Variants in ARRDC2 observed in about 807,000 individuals in gnomAD.
The protein encoded by ARRDC2 is arrestin domain-containing protein 2.
Under a neutral mutation model 38.9 loss-of-function variants are expected in ARRDC2, and 39 were observed. The ratio of observed to expected loss-of-function variants is 1.00; its 90% CI spans 0.78 to 1.31. The LOEUF is 1.31. Ranked by LOEUF, ARRDC2 falls within the 50% of genes most tolerant of loss-of-function variation. ARRDC2 has a pLI of 0.00. For missense variants in ARRDC2, 553 were observed against 588.4 expected, an observed-to-expected ratio of 0.94 and a Z score of 0.62; for synonymous variants, 300 against 261.9, an observed-to-expected ratio of 1.15 and a Z score of -1.41.
At chr19:18,003,063 ACACTC>A in intron 1 of ARRDC2, among the ~76,000 whole-genome samples, 1 of 135,540 alleles carries the variant, frequency 7.4e-6, no homozygotes, top group Non-Finnish European at 1.6e-5. Flanking sequence ...TGGCACCACT[ACACTC>A]CAGCCTGGGC....
rs758372972 is a variant in ARRDC2, at chr19:18,008,985, C to T, written c.356C>T (p.Ser119Phe). 19 of 1,613,598 alleles carry T rather than the reference C, an allele frequency of 1.2e-5. No individual in the cohort carries two copies. The highest frequency in any genetic ancestry group is 1.4e-5 in the Non-Finnish European group (16 of 1,179,972). The stretch of plus-strand genomic sequence containing the variant: ...CTCCACCCTAGGACCCTGGTGACAT[C>T]CTTCGAGGGCAAACACGGTAGTGTC... ...SFQLPPTLVT[S>F]FEGKHGSVRY... Residue 119 changes from serine to phenylalanine, a missense_variant, in exon 3 of 8, where the codon TCC (serine) becomes TTC (phenylalanine). Around this residue, in one of 3 missense-constraint regions of ARRDC2, gnomAD observed 447 missense variants for 456.6 expected, o/e 0.98. Coordinates refer to ENST00000222250, the MANE Select transcript of ARRDC2 (RefSeq NM_015683.2).
chr19:18,008,778 G>T lies in ARRDC2; in HGVS notation c.341+1G>T. On this transcript the variant is annotated splice_donor_variant, in intron 2 of 7. Transcript: ENST00000222250. LOFTEE classifies it high-confidence loss of function. ...TCCTGTTCAGCTTCCAGCTGCCCCC[G>T]TAAGTCCTCTGGGGTGCAGGGTTGC... 1 of 1,613,308 alleles carries T rather than the reference G, an allele frequency of 6.2e-7. No individual in the cohort carries two copies. Among genetic ancestry groups the T allele is most frequent in the African/African-American group, 1.3e-5 (1 of 75,018 alleles).
intron 7 of ARRDC2, among the ~76,000 whole-genome samples, chr19:18,011,158 T>C (rs8104679): frequency 0.31 from 47,732 of 151,958 alleles, 8,964 homozygotes; most frequent in African/African-American, 0.53. Flanking sequence ...CCACCACACG[T>C]GGCTAATTTT....
Position 18,013,265 on chromosome 19 carries a change from T to C in ARRDC2, c.*299T>C. ...GTGGTGCTGGAATCCCCTAGGAGCC[T>C]TCAGTCTGGGAGAAACAGAGCCAGA... On this transcript the variant is annotated 3_prime_UTR_variant, in exon 8 of 8. Coordinates refer to ENST00000222250, the MANE Select transcript of ARRDC2 (RefSeq NM_015683.2). The C allele has an allele frequency of 5.5e-6, 2 of 362,640 alleles. No individual in the cohort carries two copies. Among genetic ancestry groups the C allele is most frequent in the Non-Finnish European group, 1.0e-5 (2 of 199,060 alleles). 22.5% of individuals were successfully genotyped at this position (362,640 alleles called of 1,614,324 possible). A position where few individuals can be genotyped will look rare whatever the true frequency, so the allele number is the denominator to read the frequency against.
At position 18,008,361 on chromosome 19, in the gene ARRDC2, C is replaced by T. The variant is rs1191733078; in HGVS notation, c.51C>T (p.Thr17=). 1 of 1,596,302 alleles carries T rather than the reference C, an allele frequency of 6.3e-7. No homozygotes were observed. The highest frequency in any genetic ancestry group is 1.3e-5 in the African/African-American group (1 of 74,508). Residue 17 remains threonine (T), a synonymous_variant, in exon 1 of 8, where the codon ACC becomes ACT. Coordinates refer to ENST00000222250, the MANE Select transcript of ARRDC2 (RefSeq NM_015683.2). ...TCTCGGTGCAGTTGGACGGCGCGAC[C>T]GCGGGCGTCGAGCCCGTGTTTAGCG... ...KAFSVQLDGA[T]AGVEPVFSGG...
intron 7 of ARRDC2, among the ~76,000 whole-genome samples, chr19:18,012,319 G>T (rs1157358029): frequency 2.6e-5 from 4 of 151,722 alleles, no homozygotes; most frequent in African/African-American, 9.7e-5. Flanking sequence ...GGATGCAGTG[G>T]CTCATGCCTG....
chr19:18,008,289 G>T lies in ARRDC2; in HGVS notation c.-22G>T, dbSNP rs770938584. 32 of 1,587,662 alleles carry T rather than the reference G, an allele frequency of 2.0e-5. No individual in the cohort carries two copies. Among genetic ancestry groups the T allele is most frequent in the Admixed American group, 3.4e-5 (2 of 58,606 alleles). On this transcript the variant is annotated 5_prime_UTR_variant, in exon 1 of 8. Transcript: ENST00000222250. ...AGTTCGAGGCCAGGTTCCGCCTGTC[G>T]TGGGTTCGCACCCCGGACGCGATGC...
At chr19:18,001,825 C>T (rs1218767634) in intron 1 of ARRDC2, among the ~76,000 whole-genome samples, 1 of 152,208 alleles carries the variant, frequency 6.6e-6, no homozygotes. Context: ...CGCCTGGAGT[C>T]CCAGCTACAG....
chr19:18,006,102 G>A (rs531985193), upstream of ARRDC2, among the ~76,000 whole-genome samples: 95 of 149,468 alleles, frequency 6.4e-4, no homozygotes, highest in African/African-American at 2.0e-3. Flanking sequence ...CACTTCCTAG[G>A]TGGGATGGCG....
At chr19:18,006,323 C>G (rs1421766952), upstream of ARRDC2, among the ~76,000 whole-genome samples, 1 of 152,180 alleles carries the variant, frequency 6.6e-6, no homozygotes, top group African/African-American at 2.4e-5. Context: ...CCACTGCACT[C>G]CAGCCTGGGC....
chr19:18,005,919 C>T (rs1222453307), upstream of ARRDC2, among the ~76,000 whole-genome samples: 1 of 148,304 alleles, frequency 6.7e-6, no homozygotes, highest in Non-Finnish European at 1.5e-5. Context: ...ACGGGGCGGC[C>T]GGGCAGAGAC....
upstream of ARRDC2, chr19:18,001,127 G>C (rs2145992810): frequency 1.9e-6 from 1 of 514,820 alleles, no homozygotes. Context: ...GGCGGATGCA[G>C]AGGACCAGGA....
chr19:18,012,761 C>T, intron 7 of ARRDC2, 152 bp from the exon 8 acceptor site: 3 of 742,620 alleles, frequency 4.0e-6, no homozygotes, highest in Non-Finnish European at 4.4e-6. Context: ...GCTCCAAAAC[C>T]CTCCTTGCAC....
Position 18,013,187 on chromosome 19 carries a change from G to A in ARRDC2, c.*221G>A. On this transcript the variant is annotated 3_prime_UTR_variant, in exon 8 of 8. Coordinates refer to ENST00000222250, the MANE Select transcript of ARRDC2 (RefSeq NM_015683.2). ...CCGCTGTCCTTGTGAGGCATTGAAT[G>A]CCCAGTGCAGTATCCGAGAGACTGT... The A allele has an allele frequency of 1.7e-6, 1 of 572,540 alleles. No individual in the cohort carries two copies. The highest frequency in any genetic ancestry group is 2.1e-5 in the South Asian group (1 of 47,580). The allele number at this position is 572,540 out of a possible 1,614,324, so 35.5% of individuals were successfully genotyped here.
At chr19:18,004,326 C>T (rs550111071), upstream of ARRDC2, among the ~76,000 whole-genome samples, 52 of 148,344 alleles carry the variant, frequency 3.5e-4, no homozygotes, top group African/African-American at 1.3e-3. Flanking sequence ...CGCCTCACTG[C>T]AACCTCCACC....
At chr19:18,012,543 C>T (rs1282034272) in intron 7 of ARRDC2, among the ~76,000 whole-genome samples, 1 of 152,102 alleles carries the variant, frequency 6.6e-6, no homozygotes, top group East Asian at 1.9e-4. Flanking sequence ...GCCGAGATTG[C>T]GCCACTGCAT....
At chr19:18,001,645 G>A (rs1045225026) in intron 1 of ARRDC2, 12 of 1,259,972 alleles carry the variant, frequency 9.5e-6, no homozygotes, top group Admixed American at 8.4e-5. Context: ...AGGGCCGGAA[G>A]CCTCTCAACT....
chr19:18,010,229 CT>C lies in ARRDC2; in HGVS notation c.884del (p.Leu295ArgfsTer7). On this transcript the variant is annotated frameshift_variant, in exon 6 of 8. Coordinates refer to ENST00000222250, the MANE Select transcript of ARRDC2 (RefSeq NM_015683.2). LOFTEE classifies it high-confidence loss of function. ...CVDIPGTSKL[L>X]LELPLVIGTI... is the part of the protein sequence containing the mutation. ...GGATATCCCAGGAACGTCCAAGCTG[CT>C]GCTGGAGCTGCCACTGGTGATCGGC... 1.2e-6 allele frequency: 2 copies of C among 1,613,676 alleles called. No homozygotes were observed. Among genetic ancestry groups the C allele is most frequent in the Non-Finnish European group, 1.7e-6 (2 of 1,179,952 alleles).
chr19:18,009,747 G>A, intron 4 of ARRDC2, 36 bp from the exon 5 acceptor site: 1 of 1,612,842 alleles, frequency 6.2e-7, no homozygotes, highest in Non-Finnish European at 8.5e-7. Context: ...GGGGTTGCAG[G>A]AGGGGAAACT....
Sources: allele counts gnomAD v4.1 joint callset (sites outside exome capture counted in the v4.1 genomes callset), GRCh38; gene constraint gnomAD v4.1.1; regional missense constraint gnomAD v4.1.1; transcripts MANE v1.5; gene names NCBI Gene and HGNC (gene_info 2026-07-23, HGNC 2026-07-21).